Variants in SLC15A5 observed in about 807,000 individuals in gnomAD.
The protein encoded by SLC15A5 is solute carrier family 15 member 5.
In SLC15A5, 58 loss-of-function variants were observed where a neutral mutation model predicts 56.1. The observed-to-expected ratio is 1.03, with a 90% CI of 0.84 to 1.29. The LOEUF is 1.29. Among genes scored for constraint, SLC15A5 ranks in the 50% most tolerant of loss-of-function variants. The pLI, the probability that SLC15A5 is intolerant of heterozygous loss-of-function variation, is 0.00. For missense variants in SLC15A5, 681 were observed against 672.1 expected (o/e 1.01, Z -0.15); for synonymous variants, 264 against 250.5 (o/e 1.05, Z -0.51).
rs1306244148 is a variant in SLC15A5, at chr12:16,243,406, T to C, written c.975+1174A>G. Among the ~76,000 whole-genome samples, 2 of 151,978 alleles carry C rather than the reference T, an allele frequency of 1.3e-5. No individual in the cohort carries two copies. Among genetic ancestry groups the C allele is most frequent in the East Asian group, 3.9e-4 (2 of 5,180 alleles). On this transcript the variant is annotated intron_variant, in intron 4 of 8. Coordinates refer to ENST00000344941, the MANE Select transcript of SLC15A5 (RefSeq NM_001170798.1). This position sits in a 1 kb window ranked among gnomAD's most constrained non-coding sequence, Gnocchi z 4.4. Reference sequence around the variant, plus strand: ...GTATTTTTAGTAGAGACGGGGTTTCTCCATTTTGGTAAAGCTGGTTTCGAA... The same window carrying C: ...GTATTTTTAGTAGAGACGGGGTTTCCCCATTTTGGTAAAGCTGGTTTCGAA...
Position 16,230,554 on chromosome 12 carries a change from A to G in SLC15A5, c.1163-5952T>C, listed in dbSNP as rs188717646. Among the ~76,000 whole-genome samples the G allele has an allele frequency of 2.2e-3, 332 of 152,282 alleles. 2 individuals carry two copies. The highest frequency in any genetic ancestry group is 3.5e-3 in the Non-Finnish European group (235 of 68,016). On this transcript the variant is annotated intron_variant, in intron 5 of 8. Coordinates refer to ENST00000344941, the MANE Select transcript of SLC15A5 (RefSeq NM_001170798.1). Reference sequence around the variant, plus strand: ...ATTATTCAATTTGTTTACAAAATTTAGATGAATTTTTAATTATTTACACCC... The same window carrying G: ...ATTATTCAATTTGTTTACAAAATTTGGATGAATTTTTAATTATTTACACCC...
At position 16,235,258 on chromosome 12, in the gene SLC15A5, A is replaced by ATATATATGTATATGTATATATATG. The variant is rs1565666149; in HGVS notation, c.1162+4399_1162+4422dup. On this transcript the variant is annotated intron_variant, in intron 5 of 8. Transcript: ENST00000344941. The surrounding 1 kb of genome is among the most constrained non-coding windows in gnomAD (Gnocchi z 4.1). ...CGACATGTTATAAGTATATATGTGT[A>ATATATATGTATATGTATATATATG]TATATATGTATATGTATATATATGT... Among the ~76,000 whole-genome samples the ATATATATGTATATGTATATATATG allele has an allele frequency of 1.0e-4, 15 of 145,762 alleles. No homozygotes were observed. The highest frequency in any genetic ancestry group is 3.8e-4 in the African/African-American group (15 of 39,398).
At chr12:16,254,454 G>T (rs1448876008) in intron 3 of SLC15A5, among the ~76,000 whole-genome samples, 1 of 152,082 alleles carries the variant, frequency 6.6e-6, no homozygotes, top group Non-Finnish European at 1.5e-5. Flanking sequence ...CACTTAAAAT[G>T]ATTAAGATGG....
intron 5 of SLC15A5, among the ~76,000 whole-genome samples, chr12:16,230,348 A>T (rs1252341473): frequency 6.6e-6 from 1 of 152,156 alleles, no homozygotes; most frequent in Non-Finnish European, 1.5e-5. Context: ...GTTTAAACAA[A>T]AGATAGAGTC....
intron 2 of SLC15A5, among the ~76,000 whole-genome samples, chr12:16,263,723 G>A (rs1005834519): frequency 6.6e-6 from 1 of 152,002 alleles, no homozygotes; most frequent in Non-Finnish European, 1.5e-5. Context: ...TTGGTGCCCT[G>A]TGTCCCAGCT....
intron 1 of SLC15A5, among the ~76,000 whole-genome samples, chr12:16,274,965 T>A (rs148112410): frequency 2.4e-4 from 36 of 152,190 alleles, no homozygotes; most frequent in Non-Finnish European, 5.3e-4. Context: ...TGTGCAATTG[T>A]GTATCTCATC....
chr12:16,244,473 C>A, intron 4 of SLC15A5, 107 bp downstream of exon 4: 2 of 993,812 alleles, frequency 2.0e-6, no homozygotes, highest in Non-Finnish European at 3.0e-6. Context: ...AACTGCCTGC[C>A]GACATATATG....
chr12:16,272,628 C>A lies in SLC15A5; in HGVS notation c.517G>T (p.Val173Phe). The change falls in exon 2 of 9, where the codon GTC becomes TTC. Residue 173 changes from valine to phenylalanine, a missense_variant. Transcript: ENST00000344941. ...AGGCCAAAAGCACCCAGTGGACAGA[C>A]GATGGCTCTTACGCCTCCAATGCCA... ...CLGIGGVRAI[V>F]CPLGAFGLQE... The A allele has an allele frequency of 6.5e-7, 1 of 1,536,990 alleles. No individual in the cohort carries two copies. Among genetic ancestry groups the A allele is most frequent in the African/African-American group, 1.4e-5 (1 of 73,146 alleles).
chr12:16,211,803 C>T (rs996270541), intron 7 of SLC15A5, among the ~76,000 whole-genome samples: 1 of 152,118 alleles, frequency 6.6e-6, no homozygotes, highest in African/African-American at 2.4e-5. Context: ...GTTAGAGATC[C>T]CAGAAGGATC....
At chr12:16,260,934 T>C (rs943721972) in intron 2 of SLC15A5, among the ~76,000 whole-genome samples, 9 of 152,220 alleles carry the variant, frequency 5.9e-5, no homozygotes, top group African/African-American at 2.2e-4. Flanking sequence ...GACACTTTTG[T>C]TGAAAATCAA....
At chr12:16,211,678 A>G (rs1470479241) in intron 7 of SLC15A5, among the ~76,000 whole-genome samples, 3 of 152,150 alleles carry the variant, frequency 2.0e-5, no homozygotes, top group Non-Finnish European at 4.4e-5. Flanking sequence ...AAGCAGTCTG[A>G]CTGACTTCTT....
chr12:16,262,320 C>T (rs1190832604), intron 2 of SLC15A5, among the ~76,000 whole-genome samples: 2 of 152,108 alleles, frequency 1.3e-5, no homozygotes, highest in Non-Finnish European at 2.9e-5. Flanking sequence ...CCTCTCATTC[C>T]TCTCATTCCT....
chr12:16,269,332 G>A lies in SLC15A5; in HGVS notation c.584+3229C>T, dbSNP rs1473970557. ...TGAGCAACACTGCGTTGGAACAGTG[G>A]TTCTCAACTCTAACTGGGCAGCTTT... On this transcript the variant is annotated intron_variant, in intron 2 of 8. Transcript: ENST00000344941. This position sits in a 1 kb window ranked among gnomAD's most constrained non-coding sequence, Gnocchi z 4.7. 6.6e-6 allele frequency among the ~76,000 whole-genome samples: 1 copy of A among 152,148 alleles called. No homozygotes were observed. Among genetic ancestry groups the A allele is most frequent in the Non-Finnish European group, 1.5e-5 (1 of 68,026 alleles).
At position 16,277,391 on chromosome 12, in the gene SLC15A5, A is replaced by C; in HGVS notation, c.295T>G (p.Trp99Gly). The change falls in exon 1 of 9, where the codon TGG becomes GGG. Residue 99 changes from tryptophan to glycine, a missense_variant. Coordinates refer to ENST00000344941, the MANE Select transcript of SLC15A5 (RefSeq NM_001170798.1). ...CTTCCTAAATAGACATCAGTGAGCC[A>C]TCTGACAAACACAGGGGTAAGTATT... is the stretch of plus-strand genomic sequence containing the variant. ...TSILTPVFVR[W>G]LTDVYLGRNK... The C allele has an allele frequency of 6.5e-7, 1 of 1,536,414 alleles. No individual in the cohort carries two copies. The highest frequency in any genetic ancestry group is 8.7e-7 in the Non-Finnish European group (1 of 1,146,350).
At chr12:16,236,338 G>T (rs1280723224) in intron 5 of SLC15A5, among the ~76,000 whole-genome samples, 2 of 152,174 alleles carry the variant, frequency 1.3e-5, no homozygotes, top group Admixed American at 1.3e-4. Context: ...GACTTAACCA[G>T]ATAAATCCAC....
At chr12:16,248,995 G>C (rs1864492455) in intron 3 of SLC15A5, among the ~76,000 whole-genome samples, 1 of 151,936 alleles carries the variant, frequency 6.6e-6, no homozygotes, top group South Asian at 2.1e-4. Flanking sequence ...AAAACTTTTA[G>C]AAAGCAGTTT....
At chr12:16,205,437 G>A (rs1229605907) in intron 7 of SLC15A5, among the ~76,000 whole-genome samples, 2 of 150,360 alleles carry the variant, frequency 1.3e-5, no homozygotes, top group Non-Finnish European at 3.0e-5. Context: ...AATAAGTTAT[G>A]TACTTAATGA....
At chr12:16,203,914 C>T (rs1369349765) in intron 7 of SLC15A5, among the ~76,000 whole-genome samples, 2 of 151,998 alleles carry the variant, frequency 1.3e-5, no homozygotes, top group African/African-American at 2.4e-5. Flanking sequence ...ACAGTGATCA[C>T]CTCAGTGAGT....
intron 8 of SLC15A5, 86 bp from the exon 9 acceptor site, chr12:16,189,901 C>T (rs576949126): frequency 1.2e-5 from 12 of 995,632 alleles, no homozygotes; most frequent in Non-Finnish European, 1.7e-5. Flanking sequence ...GCTTGTCTAC[C>T]TTTTATGATG....
Sources: allele counts gnomAD v4.1 joint callset (sites outside exome capture counted in the v4.1 genomes callset), GRCh38; gene constraint gnomAD v4.1.1; non-coding constraint Gnocchi (gnomAD v3.1); transcripts MANE v1.5; gene names NCBI Gene and HGNC (gene_info 2026-07-23, HGNC 2026-07-21).